NHSL2: variants seen among roughly 807,000 people sequenced by gnomAD.
The protein encoded by NHSL2 is NHS-like protein 2.
In NHSL2, 27 loss-of-function variants were observed where a neutral mutation model predicts 53.4. The observed-to-expected ratio is 0.51, with a 90% CI of 0.37 to 0.70. NHSL2 has a LOEUF of 0.70. Among genes scored for constraint, NHSL2 ranks in the 30% least tolerant of loss-of-function variants. The pLI, the probability that NHSL2 is intolerant of heterozygous loss-of-function variation, is 0.00. For synonymous variants in NHSL2, 408 were observed against 404.1 expected, an observed-to-expected ratio of 1.01 and a Z score of -0.12; for missense variants, 892 against 980.1, an observed-to-expected ratio of 0.91 and a Z score of 1.20.
chrX:72,018,242 T>C (rs1480794199), intron 1 of NHSL2, among the ~76,000 whole-genome samples: 1 of 111,575 alleles, frequency 9.0e-6, no homozygotes, highest in Non-Finnish European at 1.9e-5. Flanking sequence ...TGCAGCTTGA[T>C]GCTATGGAAA....
chrX:72,015,566 G>A (rs1391996705), intron 1 of NHSL2, among the ~76,000 whole-genome samples: 1 of 112,163 alleles, frequency 8.9e-6, no homozygotes, highest in African/African-American at 3.2e-5. Context: ...CCATGTTAAT[G>A]GGTGTTGTCC....
At chrX:72,096,619 A>G (rs1263226717) in intron 1 of NHSL2, among the ~76,000 whole-genome samples, 1 of 112,385 alleles carries the variant, frequency 8.9e-6, no homozygotes, top group Non-Finnish European at 1.9e-5. Context: ...TTTAAAATTG[A>G]CAAATGTAAT....
chrX:72,002,376 A>T (rs1413225050), intron 1 of NHSL2, among the ~76,000 whole-genome samples: 3 of 112,764 alleles, frequency 2.7e-5, no homozygotes, highest in Admixed American at 1.9e-4. Context: ...TGCTTCTTTT[A>T]TGCTGCTGTG....
At chrX:71,930,495 A>G (rs1602264437) in intron 1 of NHSL2, among the ~76,000 whole-genome samples, 3 of 112,481 alleles carry the variant, frequency 2.7e-5, no homozygotes, top group African/African-American at 9.7e-5. Flanking sequence ...TCAATTTTAG[A>G]ACATTTTCAT....
At chrX:71,982,011 T>TA (rs775622975) in intron 1 of NHSL2, among the ~76,000 whole-genome samples, 4 of 111,264 alleles carry the variant, frequency 3.6e-5, no homozygotes, top group Non-Finnish European at 7.6e-5. Flanking sequence ...TATGTCCCCA[T>TA]AAAAAAAAGC....
chrX:72,035,178 T>C (rs1043503887), intron 1 of NHSL2, among the ~76,000 whole-genome samples: 1 of 112,442 alleles, frequency 8.9e-6, no homozygotes, highest in Non-Finnish European at 1.9e-5. Flanking sequence ...TAGAAGTGTG[T>C]TGTTTAATTT....
At chrX:72,074,809 C>T (rs1480246031) in intron 1 of NHSL2, among the ~76,000 whole-genome samples, 1 of 112,473 alleles carries the variant, frequency 8.9e-6, no homozygotes, top group African/African-American at 3.2e-5. Context: ...GCTTCACAAA[C>T]CCTGCAGAAA....
intron 1 of NHSL2, among the ~76,000 whole-genome samples, chrX:72,046,072 CAG>C (rs1162401439): frequency 8.9e-6 from 1 of 112,259 alleles, no homozygotes; most frequent in Non-Finnish European, 1.9e-5. Flanking sequence ...CTCATGGAAA[CAG>C]AGGGGCTCAC....
In NHSL2 at chrX:72,140,314, G is replaced by A. The variant is rs763084778; in HGVS notation, c.2766G>A (p.Thr922=). 1.3e-5 allele frequency: 16 copies of A among 1,210,906 alleles called. No individual in the cohort carries two copies. In the East Asian group the frequency reaches 1.8e-4, roughly 13 times the overall value. Residue 922 remains threonine (T), a synonymous_variant, in exon 6 of 8, where the codon ACG becomes ACA. Coordinates refer to ENST00000633930, the MANE Select transcript of NHSL2 (RefSeq NM_001013627.3). ...GACCACTCCCTCAAGACAGCTACACGGTAGTGCGGAAACCAAAGCCCTCCA... is the reference window on the plus strand; with the variant it reads ...GACCACTCCCTCAAGACAGCTACACAGTAGTGCGGAAACCAAAGCCCTCCA... ...HARPLPQDSY[T]VVRKPKPSSF...
At chrX:71,995,184 T>C (rs1420153906) in intron 1 of NHSL2, among the ~76,000 whole-genome samples, 1 of 112,134 alleles carries the variant, frequency 8.9e-6, no homozygotes, top group Non-Finnish European at 1.9e-5. Context: ...TCAAACCACT[T>C]GTTACCACCT....
chrX:71,973,358 T>C (rs2041934497), intron 1 of NHSL2, among the ~76,000 whole-genome samples: 1 of 112,391 alleles, frequency 8.9e-6, no homozygotes, highest in African/African-American at 3.2e-5. Flanking sequence ...TCTGCCATTT[T>C]TCTTGTTGCT....
chrX:72,140,283 A>G lies in NHSL2; in HGVS notation c.2735A>G (p.His912Arg), dbSNP rs1246323584. ...ATGCCCCCCAGGAGCTCAATTCAACATGCGAGACCACTCCCTCAAGACAGC... is the reference window on the plus strand; with the variant it reads ...ATGCCCCCCAGGAGCTCAATTCAACGTGCGAGACCACTCCCTCAAGACAGC... ...LAMPPRSSIQ[H>R]ARPLPQDSYT... The change falls in exon 6 of 8, where the codon CAT becomes CGT. Residue 912 changes from histidine to arginine, a missense_variant. Physicochemically the swap from His to Arg is conservative, Grantham distance 29 (BLOSUM62 0). Coordinates refer to ENST00000633930, the MANE Select transcript of NHSL2 (RefSeq NM_001013627.3). 8.3e-7 allele frequency: 1 copy of G among 1,210,204 alleles called. No homozygotes were observed. Among genetic ancestry groups the G allele is most frequent in the East Asian group, 3.0e-5 (1 of 33,820 alleles).
Position 72,139,893 on chromosome X carries a change from A to T in NHSL2, c.2345A>T (p.Asp782Val). The T allele has an allele frequency of 8.3e-7, 1 of 1,211,425 alleles. No individual in the cohort carries two copies. The highest frequency in any genetic ancestry group is 1.1e-6 in the Non-Finnish European group (1 of 895,218). ...CCACTGACCTCTTCACCCAACCTGG[A>T]TCTGTCTGGGATGAGTATCTCCATC... ...DLPLTSSPNL[D>V]LSGMSISIRS... The change falls in exon 6 of 8, where the codon GAT (aspartate) becomes GTT (valine). Residue 782 changes from aspartate to valine, a missense_variant. By Grantham distance (152) the Asp-to-Val change is radical. Coordinates refer to ENST00000633930, the MANE Select transcript of NHSL2 (RefSeq NM_001013627.3).
intron 1 of NHSL2, among the ~76,000 whole-genome samples, chrX:72,050,899 A>AC (rs200804294): frequency 0.026 from 2,843 of 110,106 alleles, 94 homozygotes; most frequent in African/African-American, 0.09. Context: ...TCAAAAAAAA[A>AC]AAAACAAAAC....
intron 1 of NHSL2, among the ~76,000 whole-genome samples, chrX:72,126,113 C>T (rs1465097804): frequency 1.8e-5 from 2 of 111,943 alleles, no homozygotes; most frequent in East Asian, 2.8e-4. Flanking sequence ...ATGATGTTGG[C>T]GAAAGTCCCT....
Position 72,137,217 on chromosome X carries a change from G to A in NHSL2, c.884G>A (p.Arg295Gln), listed in dbSNP as rs763665134. ...ATTGGATTCTCTAACTTTTCCCAGC[G>A]AGACCAAGGTGACCCCACCACAGCT... ...TIIGFSNFSQRDQGHSNSPAG... is the reference protein window; with the variant it reads ...TIIGFSNFSQQDQGHSNSPAG... The change falls in exon 5 of 8, where the codon CGA becomes CAA. Residue 295 changes from arginine (R) to glutamine (Q), a missense_variant. Coordinates refer to ENST00000633930, the MANE Select transcript of NHSL2 (RefSeq NM_001013627.3). 2.6e-6 allele frequency: 3 copies of A among 1,164,043 alleles called. No homozygotes were observed. Among genetic ancestry groups the A allele is most frequent in the Non-Finnish European group, 3.4e-6 (3 of 871,486 alleles).
chrX:71,980,560 GGTGTGTGGGGTGTGTGTGTGTGTGTGTGT>G (rs1196644440), intron 1 of NHSL2, among the ~76,000 whole-genome samples: 1 of 99,463 alleles, frequency 1.0e-5, no homozygotes, highest in Non-Finnish European at 2.0e-5. Flanking sequence ...GTGTGTGTGG[GGTGTGTGGGGTGTGTGTGTGTGTGTGTGT>G]GTGTGTGTGT....
At chrX:72,131,708 G>A (rs1331929697) in intron 1 of NHSL2, 6 of 395,480 alleles carry the variant, frequency 1.5e-5, no homozygotes, top group African/African-American at 2.7e-5. Context: ...CTCGGAGGGC[G>A]GCGCTCTGGG....
At chrX:72,052,339 A>G (rs909553196) in intron 1 of NHSL2, among the ~76,000 whole-genome samples, 7 of 112,518 alleles carry the variant, frequency 6.2e-5, no homozygotes, top group African/African-American at 2.3e-4. Context: ...CCTGGCACCA[A>G]CTAGGGGCCT....
Sources: gnomAD v4.1 joint callset for allele counts (sites outside exome capture counted in the v4.1 genomes callset) on GRCh38, gnomAD v4.1.1 for gene constraint, MANE v1.5 for transcripts, NCBI Gene and HGNC (gene_info 2026-07-23, HGNC 2026-07-21) for gene names.